Variants in SYBU observed in about 807,000 individuals in gnomAD.
The protein encoded by SYBU is GOLSYN A protein.
SYBU carries 21 observed loss-of-function variants against 35.9 expected under a neutral mutation model. That is an observed-to-expected ratio of 0.58 (90% CI 0.41 to 0.84). The LOEUF is 0.84. Among genes scored for constraint, SYBU ranks in the 40% least tolerant of loss-of-function variants. The pLI, the probability that SYBU is intolerant of heterozygous loss-of-function variation, is 0.00. For missense variants in SYBU, 768 were observed against 848.2 expected, an observed-to-expected ratio of 0.91 and a Z score of 1.17; for synonymous variants, 319 against 324.3, an observed-to-expected ratio of 0.98 and a Z score of 0.18.
chr8:109,594,926 G>A (rs1258871371), intron 3 of SYBU, among the ~76,000 whole-genome samples: 2 of 152,146 alleles, frequency 1.3e-5, no homozygotes, highest in African/African-American at 2.4e-5. Flanking sequence ...TGCTAGCTGT[G>A]TGACCTTGGG....
chr8:109,646,805 T>C (rs1335714187), upstream of SYBU: 1 of 152,192 alleles, frequency 6.6e-6, no homozygotes. Flanking sequence ...TTTTCTCTCA[T>C]TCACCTGACC....
At chr8:109,614,074 C>T (rs1811479139) in intron 3 of SYBU, among the ~76,000 whole-genome samples, 1 of 152,176 alleles carries the variant, frequency 6.6e-6, no homozygotes, top group South Asian at 2.1e-4. Context: ...ATTTTAGTGA[C>T]CCTAACCATT....
rs1221375998 is a variant in SYBU at position 109,686,532 on chromosome 8, T to C, written c.-58+4801A>G. ...TTAAAGTTAATTTGGTGTGTATTAA[T>C]GGTGCAAAATTGATGAAATTATGAA... On this transcript the variant is annotated intron_variant, in intron 1 of 7. Transcript: ENST00000422135. Among the ~76,000 whole-genome samples the C allele has an allele frequency of 2.0e-5, 3 of 152,326 alleles. No homozygotes were observed. In the East Asian group the frequency reaches 5.8e-4, roughly 29 times the overall value.
At chr8:109,667,400 C>T (rs892273461) in intron 1 of SYBU, among the ~76,000 whole-genome samples, 1 of 151,892 alleles carries the variant, frequency 6.6e-6, no homozygotes, top group African/African-American at 2.4e-5. Context: ...TGTGAGCCAC[C>T]GTGCCTGGCC....
In SYBU at chr8:109,668,165, G is replaced by GGGGA. The variant is rs1554628118; in HGVS notation, c.-129+12545_-129+12546insTCCC. Among the ~76,000 whole-genome samples, 95 of 89,048 alleles carry GGGGA rather than the reference G, an allele frequency of 1.1e-3. 4 individuals carry two copies. Among genetic ancestry groups the GGGGA allele is most frequent in the African/African-American group, 4.5e-3 (92 of 20,558 alleles). The allele number at this position is 89,048 out of a possible 152,430, so 58.4% of individuals were successfully genotyped here. A position where few individuals can be genotyped will look rare whatever the true frequency, so the allele number is the denominator to read the frequency against. On this transcript the variant is annotated intron_variant, in intron 1 of 5. Coordinates refer to the SYBU transcript ENST00000408889. ...GAAGAAGAGGCAGAGGGGGAGAGGG[G>GGGGA]GAGAGAGAGAGAGAGAGAGAGAGAG...
intron 4 of SYBU, chr8:109,585,823 G>A: frequency 1.9e-6 from 1 of 531,108 alleles, no homozygotes; most frequent in Admixed American, 3.3e-5. Context: ...TGGGCATAGA[G>A]TCAAGGGTTG....
chr8:109,639,056 C>A (rs762013903), intron 2 of SYBU, among the ~76,000 whole-genome samples: 1 of 152,050 alleles, frequency 6.6e-6, no homozygotes, highest in African/African-American at 2.4e-5. Context: ...CAGTGGAGTG[C>A]GGAGGGAAAA....
intron 3 of SYBU, among the ~76,000 whole-genome samples, chr8:109,610,935 C>T (rs1453453257): frequency 2.0e-5 from 3 of 152,174 alleles, no homozygotes; most frequent in Non-Finnish European, 4.4e-5. Flanking sequence ...CATACTTTAT[C>T]GAATCCCCTT....
intron 1 of SYBU, among the ~76,000 whole-genome samples, chr8:109,677,080 G>A (rs1367224648): frequency 1.3e-5 from 2 of 151,776 alleles, no homozygotes; most frequent in Admixed American, 6.6e-5. Context: ...GAAAAAAAGA[G>A]CTAGAAATCT....
At chr8:109,688,639 T>TC (rs1195396415) in intron 1 of SYBU, among the ~76,000 whole-genome samples, 2 of 152,038 alleles carry the variant, frequency 1.3e-5, no homozygotes, top group Admixed American at 6.6e-5. Context: ...TCAGTTTTGT[T>TC]CTTTTTTTTT....
rs1822079366 is a variant in SYBU, at chr8:109,575,165, T to C, written c.1733A>G (p.Asp578Gly). ...CCTCTCTTCCACGCAGGCTGCAAAA[T>C]CCAGCTCTCTCATGAGGCGGTTTGC... ...VHANRLMREL[D>G]FAACVEERLD... The change falls in exon 7 of 7, where the codon GAT becomes GGT. Residue 578 changes from aspartate (D) to glycine (G), a missense_variant. Asp to Gly is a moderately conservative substitution (Grantham distance 94). Transcript: ENST00000276646. The C allele has an allele frequency of 1.2e-6, 2 of 1,614,172 alleles. No homozygotes were observed. The highest frequency in any genetic ancestry group is 1.7e-6 in the Non-Finnish European group (2 of 1,180,018).
chr8:109,655,711 G>T (rs1816327024), intron 1 of SYBU, among the ~76,000 whole-genome samples: 1 of 152,142 alleles, frequency 6.6e-6, no homozygotes, highest in East Asian at 1.9e-4. Context: ...TTCTAAGTGA[G>T]AATTTATTTT....
intron 1 of SYBU, among the ~76,000 whole-genome samples, chr8:109,661,742 A>G (rs1010071638): frequency 1.3e-5 from 2 of 152,202 alleles, no homozygotes; most frequent in African/African-American, 4.8e-5. Flanking sequence ...AAGGGTGTGC[A>G]CTCAACAGTT....
upstream of SYBU, among the ~76,000 whole-genome samples, chr8:109,681,630 C>T (rs929889399): frequency 2.6e-5 from 4 of 151,992 alleles, no homozygotes; most frequent in South Asian, 6.2e-4. Context: ...TAACAGCATA[C>T]GTAATTCAAT....
intron 2 of SYBU, among the ~76,000 whole-genome samples, chr8:109,637,859 G>A (rs1238211580): frequency 6.6e-6 from 1 of 152,128 alleles, no homozygotes; most frequent in Non-Finnish European, 1.5e-5. Flanking sequence ...CAGCAACAAT[G>A]ATTACCTCTA....
intron 3 of SYBU, among the ~76,000 whole-genome samples, chr8:109,613,566 T>C (rs577649479): frequency 6.6e-6 from 1 of 152,044 alleles, no homozygotes; most frequent in Non-Finnish European, 1.5e-5. Flanking sequence ...AGTACTTTTT[T>C]TCCCCCAAGA....
At chr8:109,644,863 G>T (rs1815443810), upstream of SYBU, 9 of 547,372 alleles carry the variant, frequency 1.6e-5, no homozygotes, top group East Asian at 2.8e-4. Context: ...GGCCGGACAC[G>T]TGGTGCCGCA....
At chr8:109,687,508 C>T (rs1280606216) in intron 1 of SYBU, among the ~76,000 whole-genome samples, 2 of 152,052 alleles carry the variant, frequency 1.3e-5, no homozygotes, top group Non-Finnish European at 2.9e-5. Context: ...GCATATAGTT[C>T]TGATTTTCAA....
intron 1 of SYBU, among the ~76,000 whole-genome samples, chr8:109,678,915 G>A (rs968451559): frequency 5.3e-5 from 8 of 152,130 alleles, no homozygotes; most frequent in Non-Finnish European, 7.4e-5. Context: ...CAGGGGCTGC[G>A]TAAAATAAGG....
Sources: gnomAD v4.1 joint callset for allele counts (sites outside exome capture counted in the v4.1 genomes callset) on GRCh38, gnomAD v4.1.1 for gene constraint, MANE v1.5 for transcripts, NCBI Gene and HGNC (gene_info 2026-07-23, HGNC 2026-07-21) for gene names.